The following SLC38A6 variants were observed in gnomAD, a reference collection of about 807,000 sequenced individuals.
The protein encoded by SLC38A6 is solute carrier family 38 member 6.
SLC38A6 carries 73 observed loss-of-function variants against 65.0 expected under a neutral mutation model. The observed-to-expected ratio is 1.12, with a 90% CI of 0.93 to 1.37. The LOEUF (loss-of-function observed/expected upper bound fraction) is 1.37, where lower values mean the gene tolerates loss of function less well. Among genes scored for constraint, SLC38A6 ranks in the 40% most tolerant of loss-of-function variants. The probability of loss-of-function intolerance (pLI) is 0.00; values close to 1 mark genes in which losing one functional copy is unlikely to be tolerated. For missense variants in SLC38A6, 561 were observed against 531.1 expected (o/e 1.06, Z -0.55); for synonymous variants, 183 against 178.8 (o/e 1.02, Z -0.19).
intron 2 of SLC38A6, among the ~76,000 whole-genome samples, chr14:60,983,159 T>C (rs565501555): frequency 6.6e-6 from 1 of 152,346 alleles, no homozygotes; most frequent in East Asian, 1.9e-4. Flanking sequence ...TGTGCTTTCA[T>C]AGTACTTTGT....
At position 60,982,615 on chromosome 14, in the gene SLC38A6, T is replaced by G; in HGVS notation, c.213T>G (p.Ala71=). The G allele has an allele frequency of 6.2e-7, 1 of 1,612,310 alleles. No individual in the cohort carries two copies. Among genetic ancestry groups the G allele is most frequent in the Non-Finnish European group, 8.5e-7 (1 of 1,179,608 alleles). The change falls in exon 2 of 16, where the codon GCT becomes GCG. Residue 71 remains alanine (A), a synonymous_variant. Coordinates refer to ENST00000267488, the MANE Select transcript of SLC38A6 (RefSeq NM_153811.3). The part of the protein sequence containing the change: ...SGILGLAYVL[A]NTGVFGFSFL... ...TCCTTGGCTTAGCTTATGTTTTGGC[T>G]AATACCGGTGTCTTTGGATTTAGGT...
intron 6 of SLC38A6, among the ~76,000 whole-genome samples, chr14:61,032,539 C>A (rs2041070471): frequency 1.3e-5 from 2 of 151,744 alleles, no homozygotes; most frequent in Admixed American, 6.6e-5. Context: ...GTTAGAAATA[C>A]ATTTTTAAAA....
rs141982005 is a variant in SLC38A6, at chr14:61,029,408, G to A, written c.404-1037G>A. On this transcript the variant is annotated intron_variant, in intron 5 of 15. Transcript: ENST00000267488. ...CTGACCTCGTCAACCGCCCGCCTTG[G>A]CCTCCCAAACACTCTTTGTTCTTCA... 4.7e-3 allele frequency among the ~76,000 whole-genome samples: 721 copies of A among 152,156 alleles called. 6 individuals are homozygous for A. Among genetic ancestry groups the A allele is most frequent in the African/African-American group, 0.017 (688 of 41,536 alleles).
intron 3 of SLC38A6, among the ~76,000 whole-genome samples, chr14:60,997,224 T>C (rs754927032): frequency 3.9e-5 from 6 of 152,118 alleles, no homozygotes; most frequent in Non-Finnish European, 7.4e-5. Flanking sequence ...CCTCCCAGGC[T>C]CAAGTGATCC....
At chr14:60,988,036 C>A (rs1299144378) in intron 3 of SLC38A6, among the ~76,000 whole-genome samples, 1 of 152,312 alleles carries the variant, frequency 6.6e-6, no homozygotes, top group East Asian at 1.9e-4. Context: ...TCCTGAAACC[C>A]TTCCACTGTG....
intron 5 of SLC38A6, among the ~76,000 whole-genome samples, chr14:61,021,431 G>A (rs1012815994): frequency 6.6e-6 from 1 of 152,130 alleles, no homozygotes. Flanking sequence ...GCTGTTTTGG[G>A]TTTTCTTATT....
At chr14:61,024,018 C>T (rs1293185457) in intron 5 of SLC38A6, among the ~76,000 whole-genome samples, 5 of 151,962 alleles carry the variant, frequency 3.3e-5, no homozygotes, top group Admixed American at 6.6e-5. Context: ...CCTTCAAGAG[C>T]AAAAAGAGAG....
At chr14:61,074,327 A>G (rs945769195) in intron 15 of SLC38A6, among the ~76,000 whole-genome samples, 5 of 152,372 alleles carry the variant, frequency 3.3e-5, no homozygotes, top group Non-Finnish European at 4.4e-5. Context: ...ATAACAAAAT[A>G]CCATAGATTG....
chr14:61,075,792 TG>T (rs1177229494), intron 15 of SLC38A6, among the ~76,000 whole-genome samples: 1 of 135,032 alleles, frequency 7.4e-6, no homozygotes, highest in Non-Finnish European at 1.6e-5. Flanking sequence ...TGTGTGTGTG[TG>T]TGTGTGTGTG....
chr14:60,995,202 C>T (rs779903005), intron 3 of SLC38A6, among the ~76,000 whole-genome samples: 1 of 152,030 alleles, frequency 6.6e-6, no homozygotes, highest in Non-Finnish European at 1.5e-5. Context: ...GCATTATTAA[C>T]GATAGCCAAG....
At chr14:61,006,698 G>A (rs922830875) in intron 3 of SLC38A6, among the ~76,000 whole-genome samples, 2 of 152,128 alleles carry the variant, frequency 1.3e-5, no homozygotes, top group African/African-American at 2.4e-5. Context: ...AGGATGTGGA[G>A]AAATAGAAAC....
chr14:61,010,244 ATTTG>A (rs1412301980), intron 3 of SLC38A6, among the ~76,000 whole-genome samples: 44 of 152,136 alleles, frequency 2.9e-4, no homozygotes, highest in African/African-American at 8.9e-4. Flanking sequence ...TTTCTTGTAA[ATTTG>A]TTTGAGTTCA....
At chr14:61,014,993 G>T (rs886357099) in intron 3 of SLC38A6, among the ~76,000 whole-genome samples, 14 of 152,234 alleles carry the variant, frequency 9.2e-5, no homozygotes, top group African/African-American at 3.4e-4. Flanking sequence ...GGAGTCTACA[G>T]AGGCACGCAG....
At chr14:61,040,054 T>C (rs962031881) in intron 8 of SLC38A6, among the ~76,000 whole-genome samples, 2 of 145,100 alleles carry the variant, frequency 1.4e-5, no homozygotes, top group African/African-American at 5.6e-5. Context: ...GTAAATTTAC[T>C]TTTTTTTTGG....
At chr14:61,039,736 C>T (rs536996480) in intron 8 of SLC38A6, among the ~76,000 whole-genome samples, 7 of 151,940 alleles carry the variant, frequency 4.6e-5, no homozygotes, top group African/African-American at 1.7e-4. Flanking sequence ...GAAAAGGAAA[C>T]GTATATATAT....
At chr14:61,008,851 TACTTTA>T (rs1448846494) in intron 3 of SLC38A6, among the ~76,000 whole-genome samples, 2 of 152,212 alleles carry the variant, frequency 1.3e-5, no homozygotes, top group African/African-American at 2.4e-5. Flanking sequence ...CATACATTTA[TACTTTA>T]ACTTTATTTA....
At chr14:61,002,109 C>T (rs1284688723) in intron 3 of SLC38A6, 1 of 152,152 alleles carries the variant, frequency 6.6e-6, no homozygotes, top group Non-Finnish European at 1.5e-5. Flanking sequence ...AAGTAGTATA[C>T]TGAGATCCCA....
intron 10 of SLC38A6, among the ~76,000 whole-genome samples, chr14:61,044,062 G>T (rs2041981868): frequency 1.3e-5 from 2 of 152,180 alleles, no homozygotes; most frequent in Admixed American, 6.5e-5. Context: ...ATGCCTGTAA[G>T]AGCCCCTGAG....
At chr14:61,079,577 C>T (rs1477863385) in intron 16 of SLC38A6, among the ~76,000 whole-genome samples, 1 of 152,152 alleles carries the variant, frequency 6.6e-6, no homozygotes, top group East Asian at 1.9e-4. Context: ...TGTAACTGCT[C>T]CATTACTCAG....
Sources: allele counts gnomAD v4.1 joint callset (sites outside exome capture counted in the v4.1 genomes callset), GRCh38; gene constraint gnomAD v4.1.1; transcripts MANE v1.5; gene names NCBI Gene and HGNC (gene_info 2026-07-23, HGNC 2026-07-21).